Variants in PRMT7 observed in about 807,000 individuals in gnomAD.
The protein encoded by PRMT7 is protein arginine methyltransferase 7.
Under a neutral mutation model 85.4 loss-of-function variants are expected in PRMT7, and 75 were observed. The ratio of observed to expected loss-of-function variants is 0.88; its 90% CI spans 0.73 to 1.06. The LOEUF (loss-of-function observed/expected upper bound fraction) is 1.06. Among genes scored for constraint, PRMT7 ranks in the 50% least tolerant of loss-of-function variants. The pLI is 0.00. For missense variants in PRMT7, 868 were observed against 915.2 expected (o/e 0.95, Z 0.67); for synonymous variants, 397 against 359.5 (o/e 1.10, Z -1.18).
At chr16:68,318,353 C>G (rs2082114520) in intron 3 of PRMT7, among the ~76,000 whole-genome samples, 1 of 151,944 alleles carries the variant, frequency 6.6e-6, no homozygotes. Context: ...GTGCCCGCTG[C>G]CACGCCCGGC....
chr16:68,356,001 C>T (rs1344966495), intron 17 of PRMT7, 118 bp downstream of exon 17: 12 of 1,143,718 alleles, frequency 1.0e-5, no homozygotes, highest in African/African-American at 1.6e-5. Flanking sequence ...GGTATTCGTC[C>T]TCCCCACAAC....
chr16:68,360,313 C>T (rs1302189161), downstream of PRMT7: 1 of 151,700 alleles, frequency 6.6e-6, no homozygotes, highest in East Asian at 1.9e-4. Context: ...AGGATCCCCC[C>T]CACCCCCGTT....
Position 68,355,732 on chromosome 16 carries a change from G to T in PRMT7, c.1660G>T (p.Asp554Tyr). Residue 554 changes from aspartate to tyrosine, a missense_variant, in exon 17 of 19, where the codon GAC becomes TAC. Coordinates refer to ENST00000441236, the MANE Select transcript of PRMT7 (RefSeq NM_019023.5). ...IMDDMIKRALDFRESREAEPH... is the reference protein window; with the variant it reads ...IMDDMIKRALYFRESREAEPH... ...CCCCTTCTGTTCGCAGCGTGCCCTGGACTTCAGGGAGAGCAGGGAAGCTGA... is the reference window on the plus strand; with the variant it reads ...CCCCTTCTGTTCGCAGCGTGCCCTGTACTTCAGGGAGAGCAGGGAAGCTGA... 2.5e-6 allele frequency: 4 copies of T among 1,599,900 alleles called. No individual in the cohort carries two copies. The South Asian group carries it at 3.3e-5, about 13-fold the overall frequency.
In PRMT7 at chr16:68,348,407, A is replaced by C; in HGVS notation, c.1389A>C (p.Thr463=). The part of the protein sequence containing the change: ...NIIEKRPELL[T]NEDLQGRKVS... Reference sequence around the variant, plus strand: ...TAGAGAAACGGCCGGAATTATTAACAAATGAGGACCTACAGGGCAGAAAGG... The same window carrying C: ...TAGAGAAACGGCCGGAATTATTAACCAATGAGGACCTACAGGGCAGAAAGG... Residue 463 remains threonine (T), a synonymous_variant, in exon 14 of 19, where the codon ACA becomes ACC. Transcript: ENST00000441236. The C allele has an allele frequency of 2.5e-6, 4 of 1,612,530 alleles. No individual in the cohort carries two copies. The highest frequency in any genetic ancestry group is 1.3e-5 in the African/African-American group (1 of 75,006).
chr16:68,320,601 C>T (rs763144671), intron 3 of PRMT7, among the ~76,000 whole-genome samples: 2 of 152,188 alleles, frequency 1.3e-5, no homozygotes, highest in African/African-American at 2.4e-5. Context: ...AGTAAACCCA[C>T]GACCTTCAGT....
intron 6 of PRMT7, among the ~76,000 whole-genome samples, chr16:68,331,644 A>AT (rs1246832739): frequency 4.6e-5 from 7 of 151,682 alleles, no homozygotes; most frequent in Admixed American, 1.3e-4. Flanking sequence ...ACTTAAAAAA[A>AT]ATTTTTTTTT....
rs748395258 is a variant in PRMT7 at position 68,357,192 on chromosome 16, A to G, written c.2047A>G (p.Met683Val). Residue 683 changes from methionine to valine, a missense_variant, in exon 19 of 19, where the codon ATG becomes GTG. By Grantham distance (21) the Met-to-Val change is conservative. Coordinates refer to ENST00000441236, the MANE Select transcript of PRMT7 (RefSeq NM_019023.5). ...TCACCCCGACACAGGCGACATCATC[A>G]TGGAGTTCAGGCATGCAGATACCCC... The part of the protein sequence containing the change: ...EFHPDTGDII[M>V]EFRHADTPD 6.2e-7 allele frequency: 1 copy of G among 1,613,840 alleles called. No homozygotes were observed. The highest frequency in any genetic ancestry group is 1.1e-5 in the South Asian group (1 of 91,068).
intron 6 of PRMT7, among the ~76,000 whole-genome samples, chr16:68,330,954 C>T (rs759898255): frequency 8.5e-5 from 13 of 152,088 alleles, no homozygotes; most frequent in Non-Finnish European, 1.3e-4. Context: ...TTACAATCAA[C>T]GTTATTGAAG....
chr16:68,356,458 C>T lies in PRMT7; in HGVS notation c.1812-243C>T, dbSNP rs953994161. On this transcript the variant is annotated intron_variant, in intron 17 of 18. Transcript: ENST00000441236. ...GCTCCCCCAGACCCTGCAGCCACAC[C>T]GGCCCTGCCCCATGTGTGGCCCGGC... Among the ~76,000 whole-genome samples the T allele has an allele frequency of 5.3e-5, 8 of 152,376 alleles. No individual in the cohort carries two copies. In the East Asian group the frequency reaches 5.8e-4, roughly 11 times the overall value.
At chr16:68,350,317 C>T (rs1008282375) in intron 14 of PRMT7, among the ~76,000 whole-genome samples, 4 of 152,096 alleles carry the variant, frequency 2.6e-5, no homozygotes, top group Non-Finnish European at 4.4e-5. Context: ...GTGGTAGTTA[C>T]GATCGACTTT....
chr16:68,317,842 A>G (rs2082044187), intron 3 of PRMT7, among the ~76,000 whole-genome samples: 2 of 57,224 alleles, frequency 3.5e-5, no homozygotes, highest in Non-Finnish European at 3.0e-5. Flanking sequence ...AAAAAAAAAA[A>G]AAGAAAAAAA....
At position 68,324,807 on chromosome 16, in the gene PRMT7, G is replaced by A. The variant is rs765241419; in HGVS notation, c.257G>A (p.Gly86Asp). 6.2e-7 allele frequency: 1 copy of A among 1,614,048 alleles called. No homozygotes were observed. Among genetic ancestry groups the A allele is most frequent in the African/African-American group, 1.3e-5 (1 of 74,948 alleles). Residue 86 changes from glycine (G) to aspartate (D), a missense_variant, in exon 5 of 19, where the codon GGT becomes GAT. Transcript: ENST00000441236. ...TTGTCAATGATGGCGGTCACAGCAGGTGCCGACTTCTGCTATGCCATCGAG... is the reference window on the plus strand; with the variant it reads ...TTGTCAATGATGGCGGTCACAGCAGATGCCGACTTCTGCTATGCCATCGAG... ...GLLSMMAVTA[G>D]ADFCYAIEVF...
chr16:68,321,066 C>T (rs753512144), intron 3 of PRMT7, among the ~76,000 whole-genome samples: 2 of 152,072 alleles, frequency 1.3e-5, no homozygotes, highest in East Asian at 1.9e-4. Context: ...GTCAGGAGTT[C>T]GAGAACAGCC....
In PRMT7 at chr16:68,339,983, C is replaced by T; in HGVS notation, c.927+15C>T. 6.3e-7 allele frequency: 1 copy of T among 1,594,712 alleles called. No homozygotes were observed. Among genetic ancestry groups the T allele is most frequent in the Non-Finnish European group, 8.5e-7 (1 of 1,171,146 alleles). On this transcript the variant is annotated intron_variant, in intron 9 of 18. Coordinates refer to ENST00000441236, the MANE Select transcript of PRMT7 (RefSeq NM_019023.5). ...AGGAGATGCAGGTAAGAGGCAGGAGCCTAGCATGTGCCCTGTCAGGAAACT... is the reference window on the plus strand; with the variant it reads ...AGGAGATGCAGGTAAGAGGCAGGAGTCTAGCATGTGCCCTGTCAGGAAACT...
At chr16:68,352,034 A>G in intron 14 of PRMT7, 3 of 544,666 alleles carry the variant, frequency 5.5e-6, no homozygotes, top group Non-Finnish European at 9.9e-6. Flanking sequence ...GGGCAGGTAC[A>G]GAGCACCTTG....
chr16:68,328,859 G>C (rs567006118), intron 5 of PRMT7, among the ~76,000 whole-genome samples: 182 of 152,240 alleles, frequency 1.2e-3, no homozygotes, highest in Admixed American at 3.3e-3. Context: ...CGGCATCCCC[G>C]CTGTGCCTGG....
intron 6 of PRMT7, chr16:68,329,507 C>T (rs769083660): frequency 2.8e-4 from 52 of 184,782 alleles, no homozygotes; most frequent in Non-Finnish European, 4.6e-4. Flanking sequence ...TCATTGGCTA[C>T]GATACTGCCA....
Position 68,357,372 on chromosome 16 carries a change from C to A in PRMT7, c.*148C>A. 1 of 815,126 alleles carries A rather than the reference C, an allele frequency of 1.2e-6. No individual in the cohort carries two copies. Among genetic ancestry groups the A allele is most frequent in the Non-Finnish European group, 1.9e-6 (1 of 534,956 alleles). The allele number at this position is 815,126 out of a possible 1,614,324, so 50.5% of individuals were successfully genotyped here. On this transcript the variant is annotated 3_prime_UTR_variant, in exon 19 of 19. Transcript: ENST00000441236. Reference sequence around the variant, plus strand: ...GACTGCGCCGTGTTGCATCTTGTTGCATCTTTGCACTGCTGGCCTCTGGCT... The same window carrying A: ...GACTGCGCCGTGTTGCATCTTGTTGAATCTTTGCACTGCTGGCCTCTGGCT...
rs1432605662 is a variant in PRMT7 at position 68,352,419 on chromosome 16, C to G, written c.1575+10C>G. ...GGTTGTGGAGTTCAGGGTAGGCCAC[C>G]CAGGGGATGTTGGAGAAAAAAGCAG... On this transcript the variant is annotated intron_variant, in intron 15 of 18. Coordinates refer to ENST00000441236, the MANE Select transcript of PRMT7 (RefSeq NM_019023.5). 1.3e-6 allele frequency: 2 copies of G among 1,578,990 alleles called. No individual in the cohort carries two copies. Among genetic ancestry groups the G allele is most frequent in the South Asian group, 2.3e-5 (2 of 88,840 alleles).
Sources: allele counts gnomAD v4.1 joint callset (sites outside exome capture counted in the v4.1 genomes callset), GRCh38; gene constraint gnomAD v4.1.1; transcripts MANE v1.5; gene names NCBI Gene and HGNC (gene_info 2026-07-23, HGNC 2026-07-21).